NTM: variants seen among roughly 807,000 people sequenced by gnomAD.
NTM encodes the protein IgLON family member 2.
In NTM, 13 loss-of-function variants were observed where a neutral mutation model predicts 42.1. That is an observed-to-expected ratio of 0.31 (90% CI 0.20 to 0.49). The LOEUF is 0.49. Ranked by LOEUF, NTM falls within the 20% of genes least tolerant of loss-of-function variation. The probability of loss-of-function intolerance (pLI) is 0.99; values close to 1 mark genes in which losing one functional copy is unlikely to be tolerated. For synonymous variants in NTM, 187 were observed against 179.2 expected (o/e 1.04, Z -0.35); for missense variants, 373 against 452.8 (o/e 0.82, Z 1.60).
chr11:131,793,425 A>G (rs763867104), intron 1 of NTM, among the ~76,000 whole-genome samples: 10 of 152,240 alleles, frequency 6.6e-5, no homozygotes, highest in Non-Finnish European at 1.3e-4. Flanking sequence ...AGACAGATAC[A>G]CTGTGCCCAA....
intron 2 of NTM, among the ~76,000 whole-genome samples, chr11:131,919,868 C>G (rs1226400166): frequency 6.6e-6 from 1 of 151,936 alleles, no homozygotes; most frequent in Non-Finnish European, 1.5e-5. Context: ...TCTGAAAGAT[C>G]CAATTATAGG....
chr11:131,902,409 C>T (rs998381883), intron 1 of NTM, among the ~76,000 whole-genome samples: 9 of 152,164 alleles, frequency 5.9e-5, no homozygotes, highest in South Asian at 2.1e-4. Flanking sequence ...ATTCCTGTCC[C>T]GGGGCCTGCA....
chr11:131,574,548 G>C (rs2057749797), intron 1 of NTM, among the ~76,000 whole-genome samples: 2 of 148,450 alleles, frequency 1.3e-5, no homozygotes, highest in Non-Finnish European at 3.0e-5. Flanking sequence ...ACTAGAGTGT[G>C]TGTATGTGCT....
chr11:132,278,338 A>G (rs1486665394), intron 4 of NTM, among the ~76,000 whole-genome samples: 1 of 152,206 alleles, frequency 6.6e-6, no homozygotes, highest in Non-Finnish European at 1.5e-5. Context: ...TGTGGGCCTC[A>G]GTTGGAAAGA....
intron 1 of NTM, among the ~76,000 whole-genome samples, chr11:131,419,313 T>C (rs1041452700): frequency 2.0e-5 from 3 of 152,172 alleles, no homozygotes; most frequent in Non-Finnish European, 4.4e-5. Context: ...TATATGTGTA[T>C]GAAAATCTGT....
chr11:131,466,299 C>T (rs1951884153), intron 1 of NTM, among the ~76,000 whole-genome samples: 1 of 152,146 alleles, frequency 6.6e-6, no homozygotes, highest in African/African-American at 2.4e-5. Context: ...GATTTATTGA[C>T]TTCTTCTTAA....
chr11:132,150,095 G>A (rs1294023718), intron 3 of NTM, among the ~76,000 whole-genome samples: 1 of 152,146 alleles, frequency 6.6e-6, no homozygotes, highest in Non-Finnish European at 1.5e-5. Flanking sequence ...TCTGGAGAGG[G>A]CCTCAGAATG....
At chr11:131,978,997 T>C (rs2064835868) in intron 2 of NTM, among the ~76,000 whole-genome samples, 1 of 152,102 alleles carries the variant, frequency 6.6e-6, no homozygotes, top group Admixed American at 6.5e-5. Flanking sequence ...GTTTTTTAAG[T>C]GAGGGTACAG....
intron 4 of NTM, among the ~76,000 whole-genome samples, chr11:132,213,319 C>G (rs1384182397): frequency 6.6e-6 from 1 of 152,084 alleles, no homozygotes; most frequent in East Asian, 1.9e-4. Flanking sequence ...TCGGCTGAGC[C>G]TACGGGGAGC....
rs147437739 is a variant in NTM at position 132,064,642 on chromosome 11, C to T, written c.168-81640C>T. 2.6e-3 allele frequency among the ~76,000 whole-genome samples: 393 copies of T among 152,248 alleles called. 2 individuals carry two copies. Among genetic ancestry groups the T allele is most frequent in the African/African-American group, 9.0e-3 (376 of 41,550 alleles). Reference sequence around the variant, plus strand: ...ATTTAAAATGAGCCTCACTAAAGCCCTGGATCACACAGTGCAGGAAACAAA... The same window carrying T: ...ATTTAAAATGAGCCTCACTAAAGCCTTGGATCACACAGTGCAGGAAACAAA... On this transcript the variant is annotated intron_variant, in intron 2 of 8. Transcript: ENST00000683400.
intron 2 of NTM, among the ~76,000 whole-genome samples, chr11:131,975,962 G>A (rs1006739950): frequency 1.3e-5 from 2 of 152,090 alleles, no homozygotes; most frequent in African/African-American, 2.4e-5. Context: ...AGCAGCTCTG[G>A]CATCAGAAGA....
intron 1 of NTM, among the ~76,000 whole-genome samples, chr11:131,803,514 T>A (rs1007011893): frequency 6.6e-6 from 1 of 152,190 alleles, no homozygotes. Flanking sequence ...TTCCCTATGT[T>A]GGCGAGGCTA....
At chr11:131,458,250 C>A (rs182894948) in intron 1 of NTM, among the ~76,000 whole-genome samples, 32 of 152,268 alleles carry the variant, frequency 2.1e-4, no homozygotes, top group African/African-American at 7.7e-4. Context: ...GTGCTGCTGG[C>A]AGGTGGAGTG....
At chr11:132,174,665 C>A (rs977695801) in intron 3 of NTM, among the ~76,000 whole-genome samples, 2 of 152,046 alleles carry the variant, frequency 1.3e-5, no homozygotes, top group Non-Finnish European at 2.9e-5. Flanking sequence ...CATTTTCTTC[C>A]TTTCCTTTCT....
intron 2 of NTM, among the ~76,000 whole-genome samples, chr11:131,920,660 G>T (rs1240790958): frequency 6.6e-6 from 1 of 152,182 alleles, no homozygotes; most frequent in Admixed American, 6.5e-5. Flanking sequence ...CTATCAGTGT[G>T]AAATGTTTTG....
intron 8 of NTM, among the ~76,000 whole-genome samples, chr11:132,331,646 T>C (rs1380188268): frequency 6.6e-6 from 1 of 152,154 alleles, no homozygotes; most frequent in East Asian, 1.9e-4. Context: ...AGGAACTTAC[T>C]GCACAGAGGA....
At chr11:132,288,768 C>T (rs992465734) in intron 4 of NTM, among the ~76,000 whole-genome samples, 8 of 151,966 alleles carry the variant, frequency 5.3e-5, no homozygotes, top group Non-Finnish European at 8.8e-5. Context: ...TACAGGCGCC[C>T]ACCACCACGC....
chr11:132,008,330 C>A (rs955703268), intron 2 of NTM, among the ~76,000 whole-genome samples: 1 of 152,140 alleles, frequency 6.6e-6, no homozygotes, highest in Admixed American at 6.5e-5. Context: ...TGCTTAAGGT[C>A]TTTGTCCCTC....
intron 4 of NTM, among the ~76,000 whole-genome samples, chr11:132,258,941 G>T (rs79147427): frequency 6.6e-6 from 1 of 152,160 alleles, no homozygotes; most frequent in Non-Finnish European, 1.5e-5. Flanking sequence ...CAATAGTTCT[G>T]TTTGGAAGCA....
Sources: gnomAD v4.1 joint callset for allele counts (sites outside exome capture counted in the v4.1 genomes callset) on GRCh38, gnomAD v4.1.1 for gene constraint, MANE v1.5 for transcripts, NCBI Gene and HGNC (gene_info 2026-07-23, HGNC 2026-07-21) for gene names.